The following KIAA0319 variants were observed in gnomAD, a reference collection of about 807,000 sequenced individuals.
The protein encoded by KIAA0319 is dyslexia-associated protein KIAA0319.
In KIAA0319, 83 loss-of-function variants were observed where a neutral mutation model predicts 108.4. The ratio of observed to expected loss-of-function variants is 0.77; its 90% CI spans 0.64 to 0.92. KIAA0319 has a LOEUF of 0.92. Ranked by LOEUF, KIAA0319 falls within the 40% of genes least tolerant of loss-of-function variation. The probability of loss-of-function intolerance (pLI) is 0.00; values close to 1 mark genes in which losing one functional copy is unlikely to be tolerated. For synonymous variants in KIAA0319, 484 were observed against 510.4 expected (o/e 0.95, Z 0.70); for missense variants, 1,195 against 1,322.4 (o/e 0.90, Z 1.49).
intron 1 of KIAA0319, among the ~76,000 whole-genome samples, chr6:24,613,456 T>G (rs1439970458): frequency 6.6e-6 from 1 of 152,106 alleles, no homozygotes; most frequent in African/African-American, 2.4e-5. Flanking sequence ...GGCAGCCCAT[T>G]TAGAACTACA....
At chr6:24,579,770 G>T in intron 8 of KIAA0319, 88 bp downstream of exon 8, 1 of 1,010,180 alleles carries the variant, frequency 9.9e-7, no homozygotes. Flanking sequence ...CAGCCCATAA[G>T]TCCTCCTAGC....
In KIAA0319 at chr6:24,556,655, T is replaced by C. The variant is rs143728849; in HGVS notation, c.2809A>G (p.Met937Val). 16 of 1,613,952 alleles carry C rather than the reference T, an allele frequency of 9.9e-6. No homozygotes were observed. The highest frequency in any genetic ancestry group is 1.4e-5 in the Non-Finnish European group (16 of 1,179,950). Reference sequence around the variant, plus strand: ...ATATAACGCTGTATAAGGTTCTCCATCCATAAGTGAGAGCAAATGCAGCGC... The same window carrying C: ...ATATAACGCTGTATAAGGTTCTCCACCCATAAGTGAGAGCAAATGCAGCGC... ...TKRCICSHLW[M>V]ENLIQRYIWD... Residue 937 changes from methionine to valine, a missense_variant, in exon 18 of 21, where the codon ATG becomes GTG. Transcript: ENST00000378214.
At chr6:24,596,663 G>A (rs1769662861) in intron 2 of KIAA0319, 45 bp from the exon 3 acceptor site, 1 of 1,532,592 alleles carries the variant, frequency 6.5e-7, no homozygotes, top group African/African-American at 1.4e-5. Flanking sequence ...GCATATCACA[G>A]GGAAGCACCT....
At chr6:24,618,985 G>A (rs1040477084) in intron 1 of KIAA0319, among the ~76,000 whole-genome samples, 3 of 151,732 alleles carry the variant, frequency 2.0e-5, no homozygotes, top group Non-Finnish European at 4.4e-5. Flanking sequence ...ATGAGGGAGT[G>A]AATCATGTGG....
chr6:24,621,614 A>T (rs1447181508), intron 1 of KIAA0319, among the ~76,000 whole-genome samples: 26 of 152,210 alleles, frequency 1.7e-4, no homozygotes, highest in Admixed American at 1.7e-3. Context: ...GCATGGTCTT[A>T]CTGGGGGGAA....
At chr6:24,619,429 A>G (rs761288751) in intron 1 of KIAA0319, among the ~76,000 whole-genome samples, 8 of 152,194 alleles carry the variant, frequency 5.3e-5, no homozygotes, top group South Asian at 2.1e-4. Context: ...TGACACAAAA[A>G]CAAGAGTCCT....
chr6:24,598,616 C>T, intron 2 of KIAA0319: 1 of 342,648 alleles, frequency 2.9e-6, no homozygotes. Flanking sequence ...TGGCTCACAT[C>T]TGTAATCCCA....
At chr6:24,601,359 G>A (rs772502879) in intron 1 of KIAA0319, 151 bp from the exon 2 acceptor site, 30 of 977,320 alleles carry the variant, frequency 3.1e-5, no homozygotes, top group East Asian at 1.1e-4. Context: ...CACCTAGAGC[G>A]TTTGTTCAAA....
chr6:24,579,594 G>A (rs2760156), intron 8 of KIAA0319, among the ~76,000 whole-genome samples: 11,192 of 149,018 alleles, frequency 0.075, 1,052 homozygotes, highest in African/African-American at 0.23. Flanking sequence ...ACACCAGAAG[G>A]AGATTCTTCA....
chr6:24,640,409 A>C (rs1776768341), intron 1 of KIAA0319, among the ~76,000 whole-genome samples: 1 of 152,214 alleles, frequency 6.6e-6, no homozygotes, highest in African/African-American at 2.4e-5. Context: ...TGTACATAAA[A>C]GGCATGGACT....
At chr6:24,585,915 CCT>C (rs2127495411) in intron 4 of KIAA0319, among the ~76,000 whole-genome samples, 1 of 152,196 alleles carries the variant, frequency 6.6e-6, no homozygotes, top group South Asian at 2.1e-4. Flanking sequence ...ACGGAGAAAC[CCT>C]GTCTCTACTA....
At chr6:24,606,962 A>T (rs1468984274) in intron 1 of KIAA0319, among the ~76,000 whole-genome samples, 1 of 152,222 alleles carries the variant, frequency 6.6e-6, no homozygotes, top group East Asian at 1.9e-4. Flanking sequence ...CCTTGAAGAC[A>T]TGGGACTGCC....
chr6:24,614,371 T>TCCTCAGCTTCTCAAACACAGCCTC (rs1772843338), intron 1 of KIAA0319, among the ~76,000 whole-genome samples: 1 of 152,162 alleles, frequency 6.6e-6, no homozygotes, highest in East Asian at 1.9e-4. Context: ...TATGCAGCCT[T>TCCTCAGCTTCTCAAACACAGCCTC]CCTCAGCTTC....
intron 12 of KIAA0319, 57 bp from the exon 13 acceptor site, chr6:24,568,986 C>T: frequency 4.5e-6 from 7 of 1,545,406 alleles, no homozygotes; most frequent in Non-Finnish European, 5.3e-6. Flanking sequence ...TTGAATATGA[C>T]AGGCATGCGA....
chr6:24,605,168 G>C (rs1476907801), intron 1 of KIAA0319, among the ~76,000 whole-genome samples: 1 of 152,200 alleles, frequency 6.6e-6, no homozygotes, highest in African/African-American at 2.4e-5. Flanking sequence ...TACATAGTTA[G>C]TACTTTATGG....
At chr6:24,600,520 C>T (rs1002265720) in intron 2 of KIAA0319, 10 of 723,144 alleles carry the variant, frequency 1.4e-5, no homozygotes, top group Non-Finnish European at 1.5e-5. Flanking sequence ...ACAAGGGTCT[C>T]GCTAAGGTTA....
In KIAA0319 at chr6:24,545,742, A is replaced by T. The variant is rs555931664; in HGVS notation, c.*1423T>A. 1.3e-5 allele frequency: 2 copies of T among 152,302 alleles called. No homozygotes were observed. Among genetic ancestry groups the T allele is most frequent in the South Asian group, 2.1e-4 (1 of 4,822 alleles). 9.4% of individuals were successfully genotyped at this position (152,302 alleles called of 1,614,324 possible). On this transcript the variant is annotated 3_prime_UTR_variant, in exon 21 of 21. Coordinates refer to ENST00000378214, the MANE Select transcript of KIAA0319 (RefSeq NM_014809.4). Reference sequence around the variant, plus strand: ...GATGACAAAAGCACCTAAAAGCTGAATTTTTTTTAAGAACCCATGGGGAAA... The same window carrying T: ...GATGACAAAAGCACCTAAAAGCTGATTTTTTTTTAAGAACCCATGGGGAAA...
At chr6:24,541,736 T>C (rs2127393742), downstream of KIAA0319, among the ~76,000 whole-genome samples, 2 of 152,292 alleles carry the variant, frequency 1.3e-5, no homozygotes, top group Middle Eastern at 3.4e-3. Flanking sequence ...AGGAAGAGGT[T>C]GCAGTGAGCC....
intron 2 of KIAA0319, chr6:24,598,404 C>A (rs914409510): frequency 8.3e-6 from 5 of 603,588 alleles, no homozygotes; most frequent in African/African-American, 5.5e-5. Context: ...CCAACTGGAG[C>A]CTCCTGCAGC....
Sources: allele counts gnomAD v4.1 joint callset (sites outside exome capture counted in the v4.1 genomes callset), GRCh38; gene constraint gnomAD v4.1.1; transcripts MANE v1.5; gene names NCBI Gene and HGNC (gene_info 2026-07-23, HGNC 2026-07-21).